The following NUMB variants were observed in gnomAD, a reference collection of about 807,000 sequenced individuals.
NUMB encodes the protein protein numb homolog.
Under a neutral mutation model 59.7 loss-of-function variants are expected in NUMB, and 29 were observed. The ratio of observed to expected loss-of-function variants is 0.49; its 90% CI spans 0.36 to 0.66. The LOEUF (loss-of-function observed/expected upper bound fraction) is 0.66. NUMB is among the 30% of genes least tolerant of loss of function. NUMB has a pLI of 0.00. For missense variants in NUMB, 723 were observed against 822.0 expected, an observed-to-expected ratio of 0.88 and a Z score of 1.47; for synonymous variants, 288 against 288.2, an observed-to-expected ratio of 1.00 and a Z score of 0.01.
intron 2 of NUMB, among the ~76,000 whole-genome samples, chr14:73,383,026 A>C (rs990654932): frequency 3.3e-5 from 5 of 152,178 alleles, no homozygotes; most frequent in Non-Finnish European, 5.9e-5. Context: ...CACATATGTA[A>C]TCCCAGCTAC....
chr14:73,288,268 T>C (rs971426773), intron 8 of NUMB, among the ~76,000 whole-genome samples: 41 of 151,482 alleles, frequency 2.7e-4, no homozygotes, highest in Non-Finnish European at 3.1e-4. Context: ...ATAAAAAAAA[T>C]TAGGCCAGGT....
chr14:73,306,804 G>A (rs1251011033), intron 6 of NUMB, among the ~76,000 whole-genome samples: 1 of 152,162 alleles, frequency 6.6e-6, no homozygotes, highest in East Asian at 1.9e-4. Context: ...GGGTGAACTT[G>A]AGCAGTACAT....
At chr14:73,397,343 G>C (rs1376872870) in intron 2 of NUMB, among the ~76,000 whole-genome samples, 1 of 152,136 alleles carries the variant, frequency 6.6e-6, no homozygotes, top group Non-Finnish European at 1.5e-5. Flanking sequence ...TATATTCATT[G>C]ATATGATATA....
At chr14:73,398,415 A>AGG in intron 2 of NUMB, among the ~76,000 whole-genome samples, 1 of 118,878 alleles carries the variant, frequency 8.4e-6, no homozygotes, top group South Asian at 2.7e-4. Context: ...AGAGAGAGAG[A>AGG]GTGTGTGTGT....
At chr14:73,289,911 T>C (rs1031238928) in intron 8 of NUMB, among the ~76,000 whole-genome samples, 1 of 152,186 alleles carries the variant, frequency 6.6e-6, no homozygotes, top group Non-Finnish European at 1.5e-5. Context: ...GCAGAAGTTG[T>C]TGAAGAGTGA....
chr14:73,395,929 A>G (rs1896107771), intron 2 of NUMB, among the ~76,000 whole-genome samples: 1 of 152,242 alleles, frequency 6.6e-6, no homozygotes, highest in African/African-American at 2.4e-5. Context: ...AGAGAAATAA[A>G]ATCCTTAACA....
chr14:73,297,335 TA>T, intron 6 of NUMB, 50 bp from the exon 7 acceptor site: 5 of 1,076,030 alleles, frequency 4.6e-6, no homozygotes, highest in South Asian at 1.3e-5. Flanking sequence ...TATATAATAT[TA>T]AAAAAATGTC....
At chr14:73,358,988 A>G (rs1893960857) in intron 3 of NUMB, among the ~76,000 whole-genome samples, 1 of 152,214 alleles carries the variant, frequency 6.6e-6, no homozygotes. Context: ...TTCCATTAAA[A>G]GAGGACATCC....
chr14:73,421,905 G>A (rs895737888), intron 1 of NUMB, among the ~76,000 whole-genome samples: 8 of 152,096 alleles, frequency 5.3e-5, no homozygotes, highest in East Asian at 1.9e-4. Context: ...TTGGGAGGCC[G>A]AGGTGGGTGG....
At chr14:73,394,342 A>T (rs1896013529) in intron 2 of NUMB, among the ~76,000 whole-genome samples, 1 of 151,084 alleles carries the variant, frequency 6.6e-6, no homozygotes, top group African/African-American at 2.4e-5. Flanking sequence ...CATATCCATC[A>T]CCTCACATAC....
At chr14:73,431,058 A>G (rs1897805705) in intron 1 of NUMB, among the ~76,000 whole-genome samples, 1 of 151,988 alleles carries the variant, frequency 6.6e-6, no homozygotes, top group Non-Finnish European at 1.5e-5. Flanking sequence ...TCCAGGCTCA[A>G]GCAACCCTCC....
rs116313270 is a variant in NUMB, at chr14:73,282,375, T to C, written c.1080A>G (p.Gln360=). 3.1e-6 allele frequency: 5 copies of C among 1,614,120 alleles called. No homozygotes were observed. In the East Asian group the frequency reaches 6.7e-5, roughly 22 times the overall value. Residue 360 remains glutamine, a synonymous_variant, in exon 11 of 13, where the codon CAA becomes CAG. Coordinates refer to ENST00000555238, the MANE Select transcript of NUMB (RefSeq NM_001005743.2). The part of the protein sequence containing the change: ...MTKPVTVVAP[Q]SPTFQANGTD... ...GGCACCAACCTTGGAAGGTAGGAGA[T>C]TGTGGTGCCACCACTGTCACTGGTT...
chr14:73,378,078 C>A (rs1244711255), intron 2 of NUMB, among the ~76,000 whole-genome samples: 3 of 150,916 alleles, frequency 2.0e-5, no homozygotes, highest in African/African-American at 7.3e-5. Context: ...AAACTAACAA[C>A]CTGATTTAAA....
intron 1 of NUMB, among the ~76,000 whole-genome samples, chr14:73,444,491 C>T (rs1207965154): frequency 6.6e-6 from 1 of 150,722 alleles, no homozygotes; most frequent in African/African-American, 2.4e-5. Context: ...ATAATCAAAA[C>T]ACAACCAAAG....
At chr14:73,451,567 A>T (rs1467884661) in intron 1 of NUMB, among the ~76,000 whole-genome samples, 1 of 152,168 alleles carries the variant, frequency 6.6e-6, no homozygotes, top group Non-Finnish European at 1.5e-5. Flanking sequence ...GTGAGCCGAG[A>T]TTGTGCCACT....
chr14:73,386,499 C>T (rs948830996), intron 2 of NUMB, among the ~76,000 whole-genome samples: 2 of 152,010 alleles, frequency 1.3e-5, no homozygotes, highest in African/African-American at 4.8e-5. Context: ...GTTTTCTGCT[C>T]TAGTGGGTGT....
chr14:73,386,488 A>G (rs1566773630), intron 2 of NUMB, among the ~76,000 whole-genome samples: 1 of 152,106 alleles, frequency 6.6e-6, no homozygotes, highest in East Asian at 1.9e-4. Context: ...TAAGTAGGTC[A>G]GTTTTCTGCT....
At chr14:73,441,148 A>G (rs1299663413) in intron 1 of NUMB, among the ~76,000 whole-genome samples, 1 of 152,186 alleles carries the variant, frequency 6.6e-6, no homozygotes, top group African/African-American at 2.4e-5. Context: ...AAAATCGGCA[A>G]GCATATAAAA....
Position 73,279,973 on chromosome 14 carries a change from G to A in NUMB, c.1097-549C>T, listed in dbSNP as rs140572948. Among the ~76,000 whole-genome samples the A allele has an allele frequency of 0.013, 1,976 of 152,168 alleles. 96 individuals carry two copies. In the South Asian group the frequency reaches 0.16, roughly 12 times the overall value. On this transcript the variant is annotated intron_variant, in intron 11 of 12. Coordinates refer to ENST00000555238, the MANE Select transcript of NUMB (RefSeq NM_001005743.2). ...GGAGTTCGAGACCAGCCTGGCCAAC[G>A]TGGCGAAACCCCGTCTCTACTAAAA... is the stretch of plus-strand genomic sequence containing the variant.
Sources: gnomAD v4.1 joint callset for allele counts (sites outside exome capture counted in the v4.1 genomes callset) on GRCh38, gnomAD v4.1.1 for gene constraint, MANE v1.5 for transcripts, NCBI Gene and HGNC (gene_info 2026-07-23, HGNC 2026-07-21) for gene names.